Variants in NOX3 observed in about 807,000 individuals in gnomAD.
NOX3 encodes NADPH oxidase 3.
In NOX3, 74 loss-of-function variants were observed where a neutral mutation model predicts 76.7. That is an observed-to-expected ratio of 0.96 (90% CI 0.80 to 1.17). The LOEUF is 1.17. Among genes scored for constraint, NOX3 ranks in the 50% most tolerant of loss-of-function variants. The pLI is 0.00. For synonymous variants in NOX3, 263 were observed against 261.1 expected (o/e 1.01, Z -0.07); for missense variants, 695 against 703.3 (o/e 0.99, Z 0.13).
intron 7 of NOX3, among the ~76,000 whole-genome samples, chr6:155,432,819 G>A (rs1776852322): frequency 6.6e-6 from 1 of 152,210 alleles, no homozygotes; most frequent in Non-Finnish European, 1.5e-5. Context: ...TGCTGTGGAT[G>A]AGGTGGTGAA....
At chr6:155,422,035 C>A (rs539673955) in intron 10 of NOX3, among the ~76,000 whole-genome samples, 1 of 152,204 alleles carries the variant, frequency 6.6e-6, no homozygotes, top group Non-Finnish European at 1.5e-5. Context: ...GCACCAAGCT[C>A]GTCTGCCATC....
intron 7 of NOX3, among the ~76,000 whole-genome samples, chr6:155,433,410 T>C (rs1330863441): frequency 6.6e-6 from 1 of 152,152 alleles, no homozygotes; most frequent in Non-Finnish European, 1.5e-5. Flanking sequence ...AAGAGGGCCG[T>C]GTGTCAAAGT....
intron 8 of NOX3, among the ~76,000 whole-genome samples, chr6:155,430,341 A>G (rs1349210415): frequency 3.9e-5 from 6 of 152,046 alleles, no homozygotes; most frequent in South Asian, 2.1e-4. Context: ...GTAGAACTCT[A>G]TCTTCATCCT....
chr6:155,407,257 A>G lies in NOX3; in HGVS notation c.1456-3T>C, dbSNP rs1776477272. 1.9e-6 allele frequency: 3 copies of G among 1,610,134 alleles called. No homozygotes were observed. Among genetic ancestry groups the G allele is most frequent in the Non-Finnish European group, 2.5e-6 (3 of 1,178,142 alleles). Reference sequence around the variant, plus strand: ...CAGTGTAAAGCTATGTGAAGAGCCTAAAGTAAATTTGTGGCATTAGATGAC... The same window carrying G: ...CAGTGTAAAGCTATGTGAAGAGCCTGAAGTAAATTTGTGGCATTAGATGAC... On this transcript the variant is annotated splice_polypyrimidine_tract_variant and splice_region_variant and intron_variant, in intron 11 of 13. Coordinates refer to ENST00000159060, the MANE Select transcript of NOX3 (RefSeq NM_015718.3).
At chr6:155,424,170 T>C (rs925591745) in intron 9 of NOX3, among the ~76,000 whole-genome samples, 1 of 152,182 alleles carries the variant, frequency 6.6e-6, no homozygotes, top group African/African-American at 2.4e-5. Flanking sequence ...CCCTCTTATA[T>C]AATTTATAGC....
At chr6:155,411,516 C>T (rs1397609976) in intron 10 of NOX3, among the ~76,000 whole-genome samples, 156 bp from the exon 11 acceptor site, 1 of 152,170 alleles carries the variant, frequency 6.6e-6, no homozygotes, top group Non-Finnish European at 1.5e-5. Context: ...CAAACAGTCA[C>T]ACTGTGATTT....
Position 155,428,797 on chromosome 6 carries a change from G to A in NOX3, c.1142C>T (p.Pro381Leu). The change falls in exon 9 of 14, where the codon CCA (proline) becomes CTA (leucine). Residue 381 changes from proline to leucine, a missense_variant. Transcript: ENST00000159060. ...GQALQEPWSLPRLAVDGPFGT... is the reference protein window; with the variant it reads ...GQALQEPWSLLRLAVDGPFGT... Reference sequence around the variant, plus strand: ...CATGAGAGAAATGGGCACGAACCTTGGCAGGCTCCAGGGCTCCTGGAGGGC... The same window carrying A: ...CATGAGAGAAATGGGCACGAACCTTAGCAGGCTCCAGGGCTCCTGGAGGGC... 1 of 1,490,330 alleles carries A rather than the reference G, an allele frequency of 6.7e-7. No individual in the cohort carries two copies. Among genetic ancestry groups the A allele is most frequent in the South Asian group, 1.4e-5 (1 of 69,842 alleles). The allele number at this position is 1,490,330 out of a possible 1,614,324, so 92.3% of individuals were successfully genotyped here.
At position 155,396,962 on chromosome 6, in the gene NOX3, G is replaced by A; in HGVS notation, c.1581C>T (p.Ser527=). Residue 527 remains serine (S), a splice_region_variant and synonymous_variant, in exon 13 of 14, where the codon AGC becomes AGT. Transcript: ENST00000159060. ...CACAGAAGAACACGCCAATACTGCTGCTGCAGTAGGGGTAAGAAAAGGAAA... is the reference window on the plus strand; with the variant it reads ...CACAGAAGAACACGCCAATACTGCTACTGCAGTAGGGGTAAGAAAAGGAAA... ...EFKQIAYNHP[S]SSIGVFFCGP... is the part of the protein sequence containing the mutation. 1 of 1,605,154 alleles carries A rather than the reference G, an allele frequency of 6.2e-7. No individual in the cohort carries two copies. Among genetic ancestry groups the A allele is most frequent in the Admixed American group, 1.7e-5 (1 of 58,324 alleles).
chr6:155,398,445 T>C (rs1779168891), intron 12 of NOX3, among the ~76,000 whole-genome samples: 1 of 152,220 alleles, frequency 6.6e-6, no homozygotes, highest in African/African-American at 2.4e-5. Flanking sequence ...TTCTCTGCCA[T>C]GTGTCATAGC....
intron 12 of NOX3, among the ~76,000 whole-genome samples, chr6:155,402,024 G>T (rs955219018): frequency 2.0e-5 from 3 of 152,060 alleles, no homozygotes; most frequent in Non-Finnish European, 2.9e-5. Context: ...TACAATGTGT[G>T]TTTATCAAAA....
intron 4 of NOX3, among the ~76,000 whole-genome samples, chr6:155,445,658 C>T (rs1777049946): frequency 6.6e-6 from 1 of 151,838 alleles, no homozygotes; most frequent in South Asian, 2.1e-4. Flanking sequence ...ATTACTGTTG[C>T]AGTATCTATT....
chr6:155,438,034 C>A (rs530833151), intron 6 of NOX3, among the ~76,000 whole-genome samples: 5 of 152,126 alleles, frequency 3.3e-5, no homozygotes, highest in African/African-American at 1.2e-4. Context: ...ATATCTCCAA[C>A]GAAACACTGC....
At chr6:155,448,855 C>T (rs973985189) in intron 4 of NOX3, among the ~76,000 whole-genome samples, 1 of 152,122 alleles carries the variant, frequency 6.6e-6, no homozygotes, top group Non-Finnish European at 1.5e-5. Context: ...AATTAAGCAG[C>T]CTTCAGAAAC....
intron 4 of NOX3, among the ~76,000 whole-genome samples, chr6:155,451,998 C>G (rs1777151389): frequency 6.6e-6 from 1 of 152,010 alleles, no homozygotes; most frequent in Non-Finnish European, 1.5e-5. Context: ...AAAACTTTCT[C>G]TTAGAGTTCA....
At chr6:155,453,847 G>A (rs746384665) in intron 3 of NOX3, among the ~76,000 whole-genome samples, 6 of 151,970 alleles carry the variant, frequency 3.9e-5, no homozygotes, top group Non-Finnish European at 8.8e-5. Context: ...CATATACAAA[G>A]GCAAATATGC....
At chr6:155,452,608 A>G (rs935258906) in intron 4 of NOX3, among the ~76,000 whole-genome samples, 1 of 150,340 alleles carries the variant, frequency 6.7e-6, no homozygotes, top group Non-Finnish European at 1.5e-5. Flanking sequence ...AATTAAATTC[A>G]CATTTGTTTT....
Position 155,407,142 on chromosome 6 carries a change from T to C in NOX3, c.1568A>G (p.Tyr523Cys), listed in dbSNP as rs527565917. Residue 523 changes from tyrosine to cysteine, a missense_variant, in exon 12 of 14, where the codon TAC becomes TGC. Transcript: ENST00000159060. ...GAGCTTGCCTTACCTGGGGTGATTG[T>C]AGGCAATCTGCTTGAACTCATTGTT... ...NWNNEFKQIA[Y>C]NHPSSSIGVF... 2.1e-5 allele frequency: 34 copies of C among 1,614,140 alleles called. No individual in the cohort carries two copies. The South Asian group carries it at 3.4e-4, about 16-fold the overall frequency.
intron 9 of NOX3, among the ~76,000 whole-genome samples, chr6:155,423,747 T>C (rs1174482884): frequency 5.3e-5 from 8 of 149,770 alleles, no homozygotes; most frequent in South Asian, 2.1e-4. Flanking sequence ...CTTTTTCTTT[T>C]TTTTTTTTTT....
intron 6 of NOX3, among the ~76,000 whole-genome samples, chr6:155,437,454 A>T (rs1017513630): frequency 6.6e-6 from 1 of 152,204 alleles, no homozygotes; most frequent in African/African-American, 2.4e-5. Context: ...ATCACAGGGC[A>T]TGGGAGGAAG....
Sources: gnomAD v4.1 joint callset for allele counts (sites outside exome capture counted in the v4.1 genomes callset) on GRCh38, gnomAD v4.1.1 for gene constraint, MANE v1.5 for transcripts, NCBI Gene and HGNC (gene_info 2026-07-23, HGNC 2026-07-21) for gene names.